The following INPP5A variants were observed in gnomAD, a reference collection of about 807,000 sequenced individuals.
INPP5A encodes 43 kDa inositol polyphosphate 5-phophatase.
A neutral mutation model predicts 65.2 loss-of-function variants in INPP5A; 14 were observed. The ratio of observed to expected loss-of-function variants is 0.21; its 90% CI spans 0.14 to 0.34. The LOEUF is 0.34. INPP5A is among the 10% of genes least tolerant of loss of function. INPP5A has a pLI of 1.00. For missense variants in INPP5A, 431 were observed against 545.6 expected, an observed-to-expected ratio of 0.79 and a Z score of 2.09; for synonymous variants, 207 against 208.3, an observed-to-expected ratio of 0.99 and a Z score of 0.05.
chr10:132,771,278 T>C (rs951037219), intron 12 of INPP5A, among the ~76,000 whole-genome samples: 4 of 152,078 alleles, frequency 2.6e-5, no homozygotes, highest in Non-Finnish European at 5.9e-5. Context: ...AGGCCTGGGG[T>C]TCAACACAAG....
In INPP5A at chr10:132,762,757, G is replaced by A. The variant is rs779666221; in HGVS notation, c.904-3016G>A. Among the ~76,000 whole-genome samples the A allele has an allele frequency of 3.2e-4, 48 of 152,264 alleles. No individual in the cohort carries two copies. The highest frequency in any genetic ancestry group is 5.3e-4 in the Non-Finnish European group (36 of 68,016). On this transcript the variant is annotated intron_variant, in intron 11 of 15. Coordinates refer to ENST00000368594, the MANE Select transcript of INPP5A (RefSeq NM_005539.5). The surrounding 1 kb of genome is among the most constrained non-coding windows in gnomAD (Gnocchi z 4.6). ...GCACGGTAGAACACTTGGGGAGGCCGAGGCAGGAGGATTGCTTGAGGCCAG... is the reference window on the plus strand; with the variant it reads ...GCACGGTAGAACACTTGGGGAGGCCAAGGCAGGAGGATTGCTTGAGGCCAG...
At chr10:132,752,732 G>A (rs1334667141) in intron 11 of INPP5A, among the ~76,000 whole-genome samples, 1 of 151,742 alleles carries the variant, frequency 6.6e-6, no homozygotes. Context: ...ATGGAGGGGT[G>A]TGTCTAGAGC....
chr10:132,610,667 G>A (rs895159617), intron 2 of INPP5A, among the ~76,000 whole-genome samples: 2 of 152,248 alleles, frequency 1.3e-5, no homozygotes, highest in African/African-American at 2.4e-5. Context: ...GTGCTGGGTC[G>A]GCTGGGCCCA....
At chr10:132,767,687 G>A (rs1432760506) in intron 12 of INPP5A, among the ~76,000 whole-genome samples, 1 of 152,156 alleles carries the variant, frequency 6.6e-6, no homozygotes, top group Non-Finnish European at 1.5e-5. Context: ...AGCCCCTCGC[G>A]CCCAGTGGCA....
chr10:132,617,297 C>T (rs1353316650), intron 2 of INPP5A, among the ~76,000 whole-genome samples: 1 of 152,180 alleles, frequency 6.6e-6, no homozygotes, highest in Non-Finnish European at 1.5e-5. Flanking sequence ...TGCAGTGTGG[C>T]TTGGGGCAAA....
intron 4 of INPP5A, among the ~76,000 whole-genome samples, chr10:132,686,390 G>C (rs2073113853): frequency 6.6e-6 from 1 of 152,240 alleles, no homozygotes; most frequent in Non-Finnish European, 1.5e-5. Context: ...TTTTTAGCAA[G>C]AGGCGAGGAG....
At chr10:132,677,438 T>C (rs900052547) in intron 4 of INPP5A, among the ~76,000 whole-genome samples, 1 of 152,138 alleles carries the variant, frequency 6.6e-6, no homozygotes, top group African/African-American at 2.4e-5. Context: ...GGAATGTGAG[T>C]GGTGACTGAA....
intron 1 of INPP5A, among the ~76,000 whole-genome samples, chr10:132,573,018 G>GT (rs1430219823): frequency 6.6e-6 from 1 of 151,488 alleles, no homozygotes; most frequent in Non-Finnish European, 1.5e-5. Context: ...GCCGTGTGAG[G>GT]TTTTGTTGCG....
chr10:132,774,899 GGGAGGAGAGAGGGGCAC>G (rs1847022793), intron 12 of INPP5A, among the ~76,000 whole-genome samples: 1 of 104,720 alleles, frequency 9.5e-6, no homozygotes, highest in East Asian at 2.6e-4. Flanking sequence ...AGGAGGGGCA[GGGAGGAGAGAGGGGCAC>G]GGAGGAGAGA....
At chr10:132,708,623 C>G (rs574559063) in intron 7 of INPP5A, 2 of 581,314 alleles carry the variant, frequency 3.4e-6, no homozygotes, top group Non-Finnish European at 6.5e-6. Context: ...AGTCCCTCCC[C>G]GCAGCTGGAG....
chr10:132,581,078 C>G (rs2071477425), intron 1 of INPP5A, among the ~76,000 whole-genome samples: 1 of 152,204 alleles, frequency 6.6e-6, no homozygotes, highest in Admixed American at 6.5e-5. Flanking sequence ...GGTTTTCCCT[C>G]ACGTAGCTTC....
chr10:132,745,577 G>GCCCGGGCCTCGGGTGGCACTGGCCCCAC (rs1846354854), intron 9 of INPP5A, among the ~76,000 whole-genome samples: 1 of 152,270 alleles, frequency 6.6e-6, no homozygotes, highest in Non-Finnish European at 1.5e-5. Flanking sequence ...ACTGGCCCCA[G>GCCCGGGCCTCGGGTGGCACTGGCCCCAC]CCCGGGCCTC....
intron 1 of INPP5A, among the ~76,000 whole-genome samples, chr10:132,591,993 TGTGGTATTCAGC>T (rs965796427): frequency 9.9e-5 from 15 of 152,212 alleles, no homozygotes; most frequent in Admixed American, 2.0e-4. Flanking sequence ...CCACGTCTCA[TGTGGTATTCAGC>T]GTGGTATTCA....
Position 132,659,492 on chromosome 10 carries a change from C to A in INPP5A, c.306+8987C>A, listed in dbSNP as rs1216447790. Among the ~76,000 whole-genome samples, 1 of 152,228 alleles carries A rather than the reference C, an allele frequency of 6.6e-6. No individual in the cohort carries two copies. Among genetic ancestry groups the A allele is most frequent in the Non-Finnish European group, 1.5e-5 (1 of 68,036 alleles). ...GGAGGCGCTGCTGTCTAAGCTGAGG[C>A]TTTTGAAGGATGACCGTGCCCAGGT... is the stretch of plus-strand genomic sequence containing the variant. On this transcript the variant is annotated intron_variant, in intron 4 of 15. Coordinates refer to ENST00000368594, the MANE Select transcript of INPP5A (RefSeq NM_005539.5). This position sits in a 1 kb window ranked among gnomAD's most constrained non-coding sequence, Gnocchi z 5.5.
intron 9 of INPP5A, among the ~76,000 whole-genome samples, chr10:132,738,318 C>T (rs1167422639): frequency 6.6e-5 from 10 of 152,364 alleles, no homozygotes; most frequent in East Asian, 1.9e-4. Context: ...ACATCGCACC[C>T]GGCTCCCTTA....
chr10:132,624,105 T>C (rs1433321306), intron 2 of INPP5A, among the ~76,000 whole-genome samples: 1 of 149,430 alleles, frequency 6.7e-6, no homozygotes, highest in Non-Finnish European at 1.5e-5. Flanking sequence ...GAATCTGTCA[T>C]TTCTTATAAA....
chr10:132,621,908 T>G (rs2072115055), intron 2 of INPP5A, among the ~76,000 whole-genome samples: 1 of 152,140 alleles, frequency 6.6e-6, no homozygotes. Flanking sequence ...GTTCCCAAGG[T>G]TTATTTTCCT....
At chr10:132,740,093 A>T (rs1410312200) in intron 9 of INPP5A, among the ~76,000 whole-genome samples, 1 of 152,198 alleles carries the variant, frequency 6.6e-6, no homozygotes, top group African/African-American at 2.4e-5. Context: ...AATGTCTAAG[A>T]TCTGCACCAG....
At chr10:132,639,712 C>T (rs74565462) in intron 2 of INPP5A, among the ~76,000 whole-genome samples, 2,314 of 152,328 alleles carry the variant, frequency 0.015, 33 homozygotes, top group South Asian at 0.039. Context: ...GCTCCGACTA[C>T]GCGTAGAGTA....
Sources: allele counts gnomAD v4.1 joint callset (sites outside exome capture counted in the v4.1 genomes callset), GRCh38; gene constraint gnomAD v4.1.1; non-coding constraint Gnocchi (gnomAD v3.1); transcripts MANE v1.5; gene names NCBI Gene and HGNC (gene_info 2026-07-23, HGNC 2026-07-21).